The following MLF2 variants were observed in gnomAD, a reference collection of about 807,000 sequenced individuals.
MLF2 encodes the protein myeloid leukemia factor 2.
In MLF2, 12 loss-of-function variants were observed where a neutral mutation model predicts 31.4. That is an observed-to-expected ratio of 0.38 (90% confidence interval 0.24 to 0.62). The LOEUF (loss-of-function observed/expected upper bound fraction) is 0.62. Among genes scored for constraint, MLF2 ranks in the 20% least tolerant of loss-of-function variants. MLF2 has a pLI of 0.58. For missense variants in MLF2, 272 were observed against 359.7 expected (o/e 0.76, Z 1.97); for synonymous variants, 109 against 118.8 (o/e 0.92, Z 0.54).
chr12:6,750,334 G>GA lies in MLF2; in HGVS notation c.271-30dup. 3 of 1,609,542 alleles carry GA rather than the reference G, an allele frequency of 1.9e-6. No individual in the cohort carries two copies. The South Asian group carries it at 3.3e-5, about 18-fold the overall frequency. ...AGGACAGGGTAGGTAGGGGAGGGCT[G>GA]AATGGGGAGGCATCACCCCTGGTGA... On this transcript the variant is annotated intron_variant, in intron 5 of 8. Coordinates refer to ENST00000203630, the MANE Select transcript of MLF2 (RefSeq NM_001382226.1). This position sits in a 1 kb window ranked among gnomAD's most constrained non-coding sequence, Gnocchi z 5.3.
chr12:6,750,293 C>A lies in MLF2; in HGVS notation c.283G>T (p.Ala95Ser). 1 of 1,614,132 alleles carries A rather than the reference C, an allele frequency of 6.2e-7. No individual in the cohort carries two copies. Among genetic ancestry groups the A allele is most frequent in the Non-Finnish European group, 8.5e-7 (1 of 1,179,988 alleles). ...GAGAAGGTCTGGCAATTGCCTCCAG[C>A]TGTCATGTGTTCCTGAGGACAGGGT... ...DMIGNMEHMT[A>S]GGNCQTFSSS... The change falls in exon 6 of 9, where the codon GCT (alanine) becomes TCT (serine). Residue 95 changes from alanine (A) to serine (S), a missense_variant. Ala to Ser is a moderately conservative substitution (Grantham distance 99). Coordinates refer to ENST00000203630, the MANE Select transcript of MLF2 (RefSeq NM_001382226.1). This position sits in a 1 kb window ranked among gnomAD's most constrained non-coding sequence, Gnocchi z 5.3.
Position 6,753,016 on chromosome 12 carries a change from G to A in MLF2, c.-106C>T, listed in dbSNP as rs776387563. 3 of 345,322 alleles carry A rather than the reference G, an allele frequency of 8.7e-6. No individual in the cohort carries two copies. The highest frequency in any genetic ancestry group is 1.6e-5 in the Non-Finnish European group (3 of 192,486). The allele number at this position is 345,322 out of a possible 1,614,324, so 21.4% of individuals were successfully genotyped here. Reference sequence around the variant, plus strand: ...CGCTGCAGGGTCAGGGTCGCGGCCCGGAACGTGGGGATTGGTCCGGGCTTG... The same window carrying A: ...CGCTGCAGGGTCAGGGTCGCGGCCCAGAACGTGGGGATTGGTCCGGGCTTG... On this transcript the variant is annotated 5_prime_UTR_variant, in exon 1 of 9. Coordinates refer to ENST00000203630, the MANE Select transcript of MLF2 (RefSeq NM_001382226.1).
rs1236577027 is a variant in MLF2 at position 6,752,094 on chromosome 12, A to C, written c.51-40T>G. The stretch of plus-strand genomic sequence containing the variant: ...CATAGTATGGATGGCAGAAGCGCCA[A>C]ACTGTCAATCCCTCCACCACCCTGC... On this transcript the variant is annotated intron_variant, in intron 2 of 8. Transcript: ENST00000203630. The surrounding 1 kb of genome is among the most constrained non-coding windows in gnomAD (Gnocchi z 4.6). 1 of 1,613,182 alleles carries C rather than the reference A, an allele frequency of 6.2e-7. No homozygotes were observed. Among genetic ancestry groups the C allele is most frequent in the East Asian group, 2.2e-5 (1 of 44,860 alleles).
chr12:6,749,930 G>C lies in MLF2; in HGVS notation c.477C>G (p.Asp159Glu). ...EQMSIGHHIR[D>E]RAHILQRSRN... is the part of the protein sequence containing the mutation. Reference sequence around the variant, plus strand: ...GGGAGCGCTGGAGGATGTGAGCCCTGTCCCGGATGTGATGCCCAATGGACA... The same window carrying C: ...GGGAGCGCTGGAGGATGTGAGCCCTCTCCCGGATGTGATGCCCAATGGACA... The change falls in exon 7 of 9, where the codon GAC (aspartate) becomes GAG (glutamate). Residue 159 changes from aspartate (D) to glutamate (E), a missense_variant. Asp to Glu is a conservative substitution (Grantham distance 45). Coordinates refer to ENST00000203630, the MANE Select transcript of MLF2 (RefSeq NM_001382226.1). This position sits in a 1 kb window ranked among gnomAD's most constrained non-coding sequence, Gnocchi z 5.3. The C allele has an allele frequency of 6.2e-7, 1 of 1,614,194 alleles. No individual in the cohort carries two copies. The highest frequency in any genetic ancestry group is 8.5e-7 in the Non-Finnish European group (1 of 1,180,044).
At chr12:6,751,581 T>A in intron 4 of MLF2, 60 bp downstream of exon 4, 1 of 1,557,914 alleles carries the variant, frequency 6.4e-7, no homozygotes. Flanking sequence ...CATTTGGGAA[T>A]AATATCTAAG....
At position 6,750,108 on chromosome 12, in the gene MLF2, A is replaced by T; in HGVS notation, c.399+69T>A. On this transcript the variant is annotated intron_variant, in intron 6 of 8. Coordinates refer to ENST00000203630, the MANE Select transcript of MLF2 (RefSeq NM_001382226.1). The surrounding 1 kb of genome is among the most constrained non-coding windows in gnomAD (Gnocchi z 5.3). ...CCACACACAACCCAATCCGGAAAAA[A>T]GCAGCCAGGGTTTCTGGCGGTGCCG... The T allele has an allele frequency of 6.2e-7, 1 of 1,612,190 alleles. No individual in the cohort carries two copies.
chr12:6,751,774 A>G, intron 3 of MLF2, 98 bp from the exon 4 acceptor site: 1 of 1,567,642 alleles, frequency 6.4e-7, no homozygotes, highest in Non-Finnish European at 8.8e-7. Context: ...CATCCTCTCA[A>G]AAGGGAGTCA....
At position 6,750,759 on chromosome 12, in the gene MLF2, C is replaced by T. The variant is rs1457437383; in HGVS notation, c.224G>A (p.Gly75Asp). The change falls in exon 5 of 9, where the codon GGT (glycine) becomes GAT (aspartate). Residue 75 changes from glycine to aspartate, a missense_variant. Physicochemically the swap from Gly to Asp is moderately conservative, Grantham distance 94. Transcript: ENST00000203630. The surrounding 1 kb of genome is among the most constrained non-coding windows in gnomAD (Gnocchi z 5.3). ...CATCATCCCAAACATGTCCATGAAA[C>T]CACCCGACTGGAGGAAAGAGATGGA... ...SPFGMLGMSG[G>D]FMDMFGMMND... 10 of 1,614,034 alleles carry T rather than the reference C, an allele frequency of 6.2e-6. No individual in the cohort carries two copies. In the South Asian group the frequency reaches 7.7e-5, roughly 12 times the overall value.
chr12:6,750,829 T>C lies in MLF2; in HGVS notation c.217-63A>G, dbSNP rs1941603430. On this transcript the variant is annotated intron_variant, in intron 4 of 8. Transcript: ENST00000203630. This position sits in a 1 kb window ranked among gnomAD's most constrained non-coding sequence, Gnocchi z 5.3. ...AAGTCAGTGTTCAGAGTTGATCCTG[T>C]TTAGGAACCCACAACCCACATGGCT... 1 of 1,474,276 alleles carries C rather than the reference T, an allele frequency of 6.8e-7. No individual in the cohort carries two copies. The highest frequency in any genetic ancestry group is 9.5e-7 in the Non-Finnish European group (1 of 1,055,482). 91.3% of individuals were successfully genotyped at this position (1,474,276 alleles called of 1,614,324 possible). A position where few individuals can be genotyped will look rare whatever the true frequency, so the allele number is the denominator to read the frequency against.
rs758853722 is a variant in MLF2, at chr12:6,752,089, C to T, written c.51-35G>A. On this transcript the variant is annotated intron_variant, in intron 2 of 8. Transcript: ENST00000203630. This position sits in a 1 kb window ranked among gnomAD's most constrained non-coding sequence, Gnocchi z 4.6. ...GAGCACATAGTATGGATGGCAGAAG[C>T]GCCAAACTGTCAATCCCTCCACCAC... 5 of 1,612,650 alleles carry T rather than the reference C, an allele frequency of 3.1e-6. No individual in the cohort carries two copies. The highest frequency in any genetic ancestry group is 1.7e-5 in the Admixed American group (1 of 59,962).
intron 4 of MLF2, among the ~76,000 whole-genome samples, chr12:6,751,349 A>G (rs61546725): frequency 0.12 from 18,332 of 151,546 alleles, 1,212 homozygotes; most frequent in Admixed American, 0.13. Context: ...GTGTGCCACC[A>G]TGCCTGGCTT....
chr12:6,750,316 G>C lies in MLF2; in HGVS notation c.271-11C>G, dbSNP rs1332861892. The C allele has an allele frequency of 3.7e-6, 6 of 1,613,098 alleles. No individual in the cohort carries two copies. Among genetic ancestry groups the C allele is most frequent in the Non-Finnish European group, 3.4e-6 (4 of 1,179,484 alleles). On this transcript the variant is annotated splice_polypyrimidine_tract_variant and intron_variant, in intron 5 of 8. Coordinates refer to ENST00000203630, the MANE Select transcript of MLF2 (RefSeq NM_001382226.1). This position sits in a 1 kb window ranked among gnomAD's most constrained non-coding sequence, Gnocchi z 5.3. ...AGCTGTCATGTGTTCCTGAGGACAG[G>C]GTAGGTAGGGGAGGGCTGAATGGGG...
Position 6,753,012 on chromosome 12 carries a change from G to C in MLF2, c.-102C>G. The C allele has an allele frequency of 2.9e-6, 1 of 340,716 alleles. No individual in the cohort carries two copies. Among genetic ancestry groups the C allele is most frequent in the Admixed American group, 4.8e-5 (1 of 20,760 alleles). The allele number at this position is 340,716 out of a possible 1,614,324, so 21.1% of individuals were successfully genotyped here. On this transcript the variant is annotated 5_prime_UTR_variant, in exon 1 of 9. Transcript: ENST00000203630. ...GGTACGCTGCAGGGTCAGGGTCGCG[G>C]CCCGGAACGTGGGGATTGGTCCGGG...
chr12:6,751,536 T>A lies in MLF2; in HGVS notation c.216+105A>T. On this transcript the variant is annotated intron_variant, in intron 4 of 8. Transcript: ENST00000203630. ...TGTGAATGCCATAAAAAGAGAAGATTCTGGGGTTACTCATGAAACTATTCC... is the reference window on the plus strand; with the variant it reads ...TGTGAATGCCATAAAAAGAGAAGATACTGGGGTTACTCATGAAACTATTCC... 3 of 1,292,014 alleles carry A rather than the reference T, an allele frequency of 2.3e-6. No homozygotes were observed. The South Asian group carries it at 3.6e-5, about 16-fold the overall frequency. The allele number at this position is 1,292,014 out of a possible 1,614,324, so 80.0% of individuals were successfully genotyped here.
At position 6,748,596 on chromosome 12, in the gene MLF2, T is replaced by A; in HGVS notation, c.*26-49A>T. The stretch of plus-strand genomic sequence containing the variant: ...CACAAGTCAAAAGGAAGAAAAAACT[T>A]ACGTTAAGAGCCAGGAGTTGGGGTT... On this transcript the variant is annotated intron_variant, in intron 8 of 8. Coordinates refer to ENST00000203630, the MANE Select transcript of MLF2 (RefSeq NM_001382226.1). The surrounding 1 kb of genome is among the most constrained non-coding windows in gnomAD (Gnocchi z 4.6). The A allele has an allele frequency of 2.0e-6, 1 of 488,368 alleles. No individual in the cohort carries two copies. Among genetic ancestry groups the A allele is most frequent in the East Asian group, 3.5e-5 (1 of 28,444 alleles). The allele number at this position is 488,368 out of a possible 1,614,324, so 30.3% of individuals were successfully genotyped here. A position where few individuals can be genotyped will look rare whatever the true frequency, so the allele number is the denominator to read the frequency against.
In MLF2 at chr12:6,750,820, T is replaced by G. The variant is rs1336114913; in HGVS notation, c.217-54A>C. 2 of 1,553,510 alleles carry G rather than the reference T, an allele frequency of 1.3e-6. No individual in the cohort carries two copies. Among genetic ancestry groups the G allele is most frequent in the East Asian group, 2.2e-5 (1 of 44,586 alleles). ...AGGAAAGCAAAGTCAGTGTTCAGAG[T>G]TGATCCTGTTTAGGAACCCACAACC... On this transcript the variant is annotated intron_variant, in intron 4 of 8. Coordinates refer to ENST00000203630, the MANE Select transcript of MLF2 (RefSeq NM_001382226.1). This position sits in a 1 kb window ranked among gnomAD's most constrained non-coding sequence, Gnocchi z 5.3.
Position 6,748,730 on chromosome 12 carries a change from T to G in MLF2, c.*25+40A>C. 1 of 1,420,338 alleles carries G rather than the reference T, an allele frequency of 7.0e-7. No homozygotes were observed. Among genetic ancestry groups the G allele is most frequent in the South Asian group, 1.6e-5 (1 of 63,388 alleles). 88.0% of individuals were successfully genotyped at this position (1,420,338 alleles called of 1,614,324 possible). A position where few individuals can be genotyped will look rare whatever the true frequency, so the allele number is the denominator to read the frequency against. ...GAGCCTGCCTTGCAGCCGAGGACCG[T>G]CCGCAGGTGCACCCCACCCTCCTTA... On this transcript the variant is annotated intron_variant, in intron 8 of 8. Coordinates refer to ENST00000203630, the MANE Select transcript of MLF2 (RefSeq NM_001382226.1). The surrounding 1 kb of genome is among the most constrained non-coding windows in gnomAD (Gnocchi z 4.6).
chr12:6,749,043 C>G lies in MLF2; in HGVS notation c.560-61G>C. On this transcript the variant is annotated intron_variant, in intron 7 of 8. Transcript: ENST00000203630. The surrounding 1 kb of genome is among the most constrained non-coding windows in gnomAD (Gnocchi z 5.3). ...GGCCTGGCTCCTGGAGGCCGATGTG[C>G]GAGCGAGCCACAGCTTTTCGGGCCA... is the stretch of plus-strand genomic sequence containing the variant. 2 of 1,461,180 alleles carry G rather than the reference C, an allele frequency of 1.4e-6. No individual in the cohort carries two copies. The highest frequency in any genetic ancestry group is 1.8e-6 in the Non-Finnish European group (2 of 1,108,454). The allele number at this position is 1,461,180 out of a possible 1,614,324, so 90.5% of individuals were successfully genotyped here.
chr12:6,750,457 T>C lies in MLF2; in HGVS notation c.271-152A>G. ...AGGCCTCATCATTACCCTCCCAAAT[T>C]CCTCTGAGTCCAACCACGAGCAAGA... On this transcript the variant is annotated intron_variant, in intron 5 of 8. Transcript: ENST00000203630. This position sits in a 1 kb window ranked among gnomAD's most constrained non-coding sequence, Gnocchi z 5.3. The C allele has an allele frequency of 9.2e-7, 1 of 1,092,580 alleles. No homozygotes were observed. 67.7% of individuals were successfully genotyped at this position (1,092,580 alleles called of 1,614,324 possible).
Sources: gnomAD v4.1 joint callset for allele counts (sites outside exome capture counted in the v4.1 genomes callset) on GRCh38, gnomAD v4.1.1 for gene constraint, Gnocchi (gnomAD v3.1) non-coding constraint, MANE v1.5 for transcripts, NCBI Gene and HGNC (gene_info 2026-07-23, HGNC 2026-07-21) for gene names.